THSD7B: variants seen among roughly 807,000 people sequenced by gnomAD.
THSD7B encodes thrombospondin type 1 domain containing 7B, also known as thrombospondin type-1 domain-containing protein 7B.
Under a neutral mutation model 213.6 loss-of-function variants are expected in THSD7B, and 138 were observed. The ratio of observed to expected loss-of-function variants is 0.65; its 90% CI spans 0.56 to 0.74. The LOEUF (loss-of-function observed/expected upper bound fraction) is 0.74, where lower values mean the gene tolerates loss of function less well. Ranked by LOEUF, THSD7B falls within the 30% of genes least tolerant of loss-of-function variation. The probability of loss-of-function intolerance (pLI) is 0.00; values close to 1 mark genes in which losing one functional copy is unlikely to be tolerated. For synonymous variants in THSD7B, 742 were observed against 687.0 expected, an observed-to-expected ratio of 1.08 and a Z score of -1.25; for missense variants, 1,931 against 1,991.5, an observed-to-expected ratio of 0.97 and a Z score of 0.58.
intron 2 of THSD7B, among the ~76,000 whole-genome samples, chr2:136,889,860 CTCT>C (rs1683784243): frequency 6.6e-6 from 1 of 152,140 alleles, no homozygotes; most frequent in African/African-American, 2.4e-5. Context: ...TGTTCTGTTT[CTCT>C]TCTTTGCCTT....
chr2:137,427,992 TG>T (rs987343446), intron 14 of THSD7B, among the ~76,000 whole-genome samples: 2 of 152,022 alleles, frequency 1.3e-5, no homozygotes, highest in African/African-American at 4.8e-5. Flanking sequence ...AGAATAAAAC[TG>T]AAAAAAATAA....
At position 137,572,567 on chromosome 2, in the gene THSD7B, T is replaced by C. The variant is rs1221419202; in HGVS notation, c.3423+11T>C. On this transcript the variant is annotated intron_variant, in intron 17 of 27. Transcript: ENST00000409968. Reference sequence around the variant, plus strand: ...AGCAAATGCCCACAGGTAATTTCTCTTTCTTTGTCAATGCTCTGATAATCT... The same window carrying C: ...AGCAAATGCCCACAGGTAATTTCTCCTTCTTTGTCAATGCTCTGATAATCT... 6.2e-7 allele frequency: 1 copy of C among 1,613,520 alleles called. No homozygotes were observed. The highest frequency in any genetic ancestry group is 8.5e-7 in the Non-Finnish European group (1 of 1,179,598).
At chr2:137,006,127 C>A (rs1193798913) in intron 2 of THSD7B, among the ~76,000 whole-genome samples, 2 of 152,140 alleles carry the variant, frequency 1.3e-5, no homozygotes, top group Non-Finnish European at 2.9e-5. Flanking sequence ...GGAGCGGTGG[C>A]TCACACCTAT....
chr2:137,102,944 C>T (rs1427969113), intron 4 of THSD7B, among the ~76,000 whole-genome samples: 1 of 152,104 alleles, frequency 6.6e-6, no homozygotes, highest in African/African-American at 2.4e-5. Context: ...GAGAATGGAA[C>T]CAAGTTGGAA....
chr2:137,286,593 A>G (rs547751284), intron 12 of THSD7B, among the ~76,000 whole-genome samples: 1 of 152,274 alleles, frequency 6.6e-6, no homozygotes, highest in East Asian at 1.9e-4. Flanking sequence ...AGAAGCAAAA[A>G]GTCATTTCAG....
At chr2:137,504,993 G>T (rs1679802024) in intron 15 of THSD7B, among the ~76,000 whole-genome samples, 1 of 151,932 alleles carries the variant, frequency 6.6e-6, no homozygotes, top group Admixed American at 6.6e-5. Flanking sequence ...ATGGAGGAAA[G>T]CAGGAAGGGA....
rs940537150 is a variant in THSD7B at position 137,249,936 on chromosome 2, T to G, written c.2266+7364T>G. Reference sequence around the variant, plus strand: ...CTATCTCATAAATTGTCAGGACAGTTTAATGGTAAAGGAAGAGCTGTTTTA... The same window carrying G: ...CTATCTCATAAATTGTCAGGACAGTGTAATGGTAAAGGAAGAGCTGTTTTA... On this transcript the variant is annotated intron_variant, in intron 10 of 27. Coordinates refer to ENST00000409968, the MANE Select transcript of THSD7B (RefSeq NM_001316349.2). 3.9e-5 allele frequency among the ~76,000 whole-genome samples: 6 copies of G among 152,178 alleles called. 1 individual carries two copies. Among genetic ancestry groups the G allele is most frequent in the Admixed American group, 3.9e-4 (6 of 15,280 alleles).
chr2:137,076,645 G>A (rs1558910981), intron 3 of THSD7B, among the ~76,000 whole-genome samples: 1 of 152,168 alleles, frequency 6.6e-6, no homozygotes, highest in African/African-American at 2.4e-5. Flanking sequence ...CGGTACCTCA[G>A]TTGGAAATGC....
chr2:136,823,624 GA>G (rs1433515712), intron 1 of THSD7B, among the ~76,000 whole-genome samples: 5 of 151,788 alleles, frequency 3.3e-5, no homozygotes, highest in Non-Finnish European at 5.9e-5. Context: ...CATTTGCTCT[GA>G]ATTCTGCAGA....
chr2:137,498,837 G>A (rs1006321217), intron 15 of THSD7B, among the ~76,000 whole-genome samples: 5 of 152,078 alleles, frequency 3.3e-5, no homozygotes, highest in Non-Finnish European at 7.4e-5. Context: ...AAGTGAGAGT[G>A]AGCTGCCTCA....
In THSD7B at chr2:137,028,701, A is replaced by T. The variant is rs192193845; in HGVS notation, c.140-27719A>T. On this transcript the variant is annotated intron_variant, in intron 2 of 27. Transcript: ENST00000409968. ...TAAGTGCCATCGTAAGAAAGAGCCC[A>T]GCATGCTGTGGACGCTCAAGGTGGG... 2.8e-3 allele frequency among the ~76,000 whole-genome samples: 431 copies of T among 152,346 alleles called. 3 individuals are homozygous for T. The highest frequency in any genetic ancestry group is 0.023 in the Admixed American group (357 of 15,288).
chr2:137,399,682 T>C (rs1686305404), intron 12 of THSD7B, among the ~76,000 whole-genome samples: 1 of 152,202 alleles, frequency 6.6e-6, no homozygotes, highest in African/African-American at 2.4e-5. Context: ...GTGATTTTTT[T>C]CTTTTTTTGC....
chr2:136,770,707 G>C (rs1177383502), intron 1 of THSD7B, among the ~76,000 whole-genome samples: 1 of 152,096 alleles, frequency 6.6e-6, no homozygotes, highest in African/African-American at 2.4e-5. Context: ...ATTATCCCTT[G>C]ATATTTGTAC....
chr2:136,802,945 A>T (rs1379362372), intron 1 of THSD7B, among the ~76,000 whole-genome samples: 7 of 151,854 alleles, frequency 4.6e-5, no homozygotes, highest in Non-Finnish European at 1.0e-4. Flanking sequence ...CAGAGCTAAT[A>T]TCTAACAACA....
intron 17 of THSD7B, among the ~76,000 whole-genome samples, chr2:137,595,909 C>T (rs1216031088): frequency 6.6e-6 from 1 of 151,684 alleles, no homozygotes; most frequent in African/African-American, 2.4e-5. Flanking sequence ...TTTGGGAGCT[C>T]ATAAATTGCT....
chr2:137,233,204 A>C, intron 9 of THSD7B, 71 bp downstream of exon 9: 1 of 1,371,270 alleles, frequency 7.3e-7, no homozygotes, highest in African/African-American at 1.4e-5. Context: ...GAAAGCATTT[A>C]TCAAGCAATA....
chr2:137,454,951 A>G (rs1687734450), intron 15 of THSD7B, among the ~76,000 whole-genome samples: 3 of 152,174 alleles, frequency 2.0e-5, no homozygotes, highest in Admixed American at 2.0e-4. Flanking sequence ...ACACATCTTT[A>G]CTATTTGGGC....
At chr2:136,956,617 T>A (rs959156265) in intron 2 of THSD7B, among the ~76,000 whole-genome samples, 1 of 142,028 alleles carries the variant, frequency 7.0e-6, no homozygotes, top group East Asian at 2.2e-4. Flanking sequence ...AAAAAAAAAA[T>A]TAGTAAATTG....
chr2:137,192,459 T>G (rs1405058643), intron 7 of THSD7B, among the ~76,000 whole-genome samples: 1 of 152,154 alleles, frequency 6.6e-6, no homozygotes, highest in Non-Finnish European at 1.5e-5. Context: ...AAGGTGTTAT[T>G]TGGAACAAAG....
Sources: gnomAD v4.1 joint callset for allele counts (sites outside exome capture counted in the v4.1 genomes callset) on GRCh38, gnomAD v4.1.1 for gene constraint, MANE v1.5 for transcripts, NCBI Gene and HGNC (gene_info 2026-07-23, HGNC 2026-07-21) for gene names.